Variants in UNKL observed in about 807,000 individuals in gnomAD.
UNKL encodes unk like zinc finger, also known as putative E3 ubiquitin-protein ligase UNKL.
Under a neutral mutation model 78.0 loss-of-function variants are expected in UNKL, and 60 were observed. The ratio of observed to expected loss-of-function variants is 0.77; its 90% CI spans 0.63 to 0.95. UNKL has a LOEUF of 0.95. Among genes scored for constraint, UNKL ranks in the 40% least tolerant of loss-of-function variants. The pLI, the probability that UNKL is intolerant of heterozygous loss-of-function variation, is 0.00. For synonymous variants in UNKL, 608 were observed against 474.8 expected (o/e 1.28, Z -3.65); for missense variants, 1,159 against 1,045.7 (o/e 1.11, Z -1.49).
In UNKL at chr16:1,399,598, C is replaced by A; in HGVS notation, c.599-89G>T. ...CAAAGGTGGAAGGACCTGGCTGTCCCCCAAATGGAAGGGGCTGCAGGAGGA... is the reference window on the plus strand; with the variant it reads ...CAAAGGTGGAAGGACCTGGCTGTCCACCAAATGGAAGGGGCTGCAGGAGGA... On this transcript the variant is annotated intron_variant, in intron 4 of 14. Coordinates refer to ENST00000389221, the MANE Select transcript of UNKL (RefSeq NM_001372107.1). This position sits in a 1 kb window ranked among gnomAD's most constrained non-coding sequence, Gnocchi z 5.8. 1 of 1,527,248 alleles carries A rather than the reference C, an allele frequency of 6.5e-7. No homozygotes were observed. The allele number at this position is 1,527,248 out of a possible 1,614,324, so 94.6% of individuals were successfully genotyped here.
At chr16:1,388,530 GAGC>G (rs1473866361) in intron 9 of UNKL, among the ~76,000 whole-genome samples, 1 of 152,144 alleles carries the variant, frequency 6.6e-6, no homozygotes, top group Non-Finnish European at 1.5e-5. Flanking sequence ...CCCTGCCCGG[GAGC>G]TGGCCAGGGT....
At chr16:1,371,085 A>G (rs76201503) in intron 11 of UNKL, among the ~76,000 whole-genome samples, 1 of 128,930 alleles carries the variant, frequency 7.8e-6, no homozygotes, top group Admixed American at 7.1e-5. Flanking sequence ...TCTGTCTCAA[A>G]AAAAAAAAAA....
chr16:1,379,297 T>A, intron 10 of UNKL: 2 of 176,798 alleles, frequency 1.1e-5, no homozygotes, highest in Non-Finnish European at 2.2e-5. Flanking sequence ...CCCGTTCCCC[T>A]GCCCTCTCCT....
chr16:1,367,737 C>G lies in UNKL; in HGVS notation c.1707G>C (p.Glu569Asp). ...CCAGCTGCCGCCTGACCCGGGCCAG[C>G]TCAGCTCCGTTTGGACTTGCACTCG... Reference protein sequence around the residue: ...SSSSASPNGAELARVRRQLDE... With the variant: ...SSSSASPNGADLARVRRQLDE... Residue 569 changes from glutamate (E) to aspartate (D), a missense_variant, in exon 13 of 15, where the codon GAG becomes GAC. By Grantham distance (45) the Glu-to-Asp change is conservative. Transcript: ENST00000389221. 6.3e-7 allele frequency: 1 copy of G among 1,577,918 alleles called. No homozygotes were observed. Among genetic ancestry groups the G allele is most frequent in the Non-Finnish European group, 8.6e-7 (1 of 1,162,640 alleles).
At chr16:1,367,603 G>A in intron 13 of UNKL, 53 bp downstream of exon 13, 2 of 938,758 alleles carry the variant, frequency 2.1e-6, no homozygotes, top group Admixed American at 5.2e-5. Flanking sequence ...GCTCACCTGA[G>A]TCCCCTGCGG....
chr16:1,398,679 G>GCCCGC, intron 5 of UNKL: 2 of 1,356,378 alleles, frequency 1.5e-6, no homozygotes, highest in Non-Finnish European at 1.9e-6. Flanking sequence ...TGTGGGGTCT[G>GCCCGC]CACCCCCCCA....
chr16:1,363,270 T>C lies in UNKL; in HGVS notation c.*2970A>G, dbSNP rs926889574. Reference sequence around the variant, plus strand: ...TAACTCCATGAATTCTGTAAACCATTGCATAAATGCTATAGTGTAAAAAAA... The same window carrying C: ...TAACTCCATGAATTCTGTAAACCATCGCATAAATGCTATAGTGTAAAAAAA... On this transcript the variant is annotated 3_prime_UTR_variant, in exon 15 of 15. Coordinates refer to ENST00000389221, the MANE Select transcript of UNKL (RefSeq NM_001372107.1). 3.1e-6 allele frequency: 2 copies of C among 651,378 alleles called. No homozygotes were observed. The highest frequency in any genetic ancestry group is 5.5e-6 in the Non-Finnish European group (2 of 364,390). 40.3% of individuals were successfully genotyped at this position (651,378 alleles called of 1,614,324 possible).
At chr16:1,414,287 G>A (rs1385987063) in intron 1 of UNKL, among the ~76,000 whole-genome samples, 1 of 151,848 alleles carries the variant, frequency 6.6e-6, no homozygotes, top group East Asian at 1.9e-4. Context: ...GCGCCACCCC[G>A]GACCCTGGGC....
At position 1,392,918 on chromosome 16, in the gene UNKL, G is replaced by A. The variant is rs2037107429; in HGVS notation, c.996C>T (p.Ser332=). The part of the protein sequence containing the change: ...GCHDLHLTSP[S]STGSGQPGNA... ...TTCCCGGCTGGCCGCTGCCCGTGGA[G>A]GAAGGACTCGTGAGGTGGAGGTCGT... Residue 332 remains serine (S), a synonymous_variant, in exon 8 of 15, where the codon TCC becomes TCT. Coordinates refer to ENST00000389221, the MANE Select transcript of UNKL (RefSeq NM_001372107.1). 1 of 1,550,596 alleles carries A rather than the reference G, an allele frequency of 6.4e-7. No individual in the cohort carries two copies. Among genetic ancestry groups the A allele is most frequent in the Non-Finnish European group, 8.7e-7 (1 of 1,146,994 alleles).
chr16:1,414,161 A>C (rs1438232315), intron 1 of UNKL, 106 bp from the exon 2 acceptor site: 1 of 1,128,800 alleles, frequency 8.9e-7, no homozygotes, highest in Non-Finnish European at 1.2e-6. Flanking sequence ...CCCAGGGTCG[A>C]CCCGTACTCA....
At chr16:1,376,649 G>C (rs1237671797) in intron 10 of UNKL, among the ~76,000 whole-genome samples, 1 of 152,058 alleles carries the variant, frequency 6.6e-6, no homozygotes, top group East Asian at 1.9e-4. Flanking sequence ...TTTTAACCTG[G>C]TTATGAGGAC....
intron 10 of UNKL, chr16:1,383,852 G>A: frequency 2.3e-6 from 1 of 426,610 alleles, no homozygotes; most frequent in Non-Finnish European, 4.8e-6. Context: ...CAGCAGCCCT[G>A]TCCTCCTGAT....
In UNKL at chr16:1,371,568, G is replaced by A. The variant is rs771576650; in HGVS notation, c.1308C>T (p.Ser436=). The change falls in exon 11 of 15, where the codon TCC becomes TCT. Residue 436 remains serine, a synonymous_variant. Coordinates refer to ENST00000389221, the MANE Select transcript of UNKL (RefSeq NM_001372107.1). The part of the protein sequence containing the change: ...DLHLSNVNIA[S]LEKDLEEQDG... ...CTTGCTCTTCCAGGTCCTTCTCTAGGGATGCAATATTCACATTGCTAAGAT... is the reference window on the plus strand; with the variant it reads ...CTTGCTCTTCCAGGTCCTTCTCTAGAGATGCAATATTCACATTGCTAAGAT... 40 of 1,536,078 alleles carry A rather than the reference G, an allele frequency of 2.6e-5. No individual in the cohort carries two copies. Among genetic ancestry groups the A allele is most frequent in the Non-Finnish European group, 3.1e-5 (36 of 1,146,920 alleles).
At chr16:1,391,539 T>C (rs2037053262) in intron 8 of UNKL, among the ~76,000 whole-genome samples, 2 of 152,098 alleles carry the variant, frequency 1.3e-5, no homozygotes, top group African/African-American at 2.4e-5. Flanking sequence ...CCTCGAGCGA[T>C]TGTCCCACCT....
intron 9 of UNKL, among the ~76,000 whole-genome samples, chr16:1,386,275 G>A (rs533934979): frequency 7.2e-5 from 11 of 152,242 alleles, no homozygotes; most frequent in African/African-American, 2.4e-4. Context: ...AGCCAAGGCC[G>A]GGCGCGGTGG....
intron 6 of UNKL, chr16:1,395,615 C>T (rs1209791887): frequency 1.4e-5 from 6 of 443,206 alleles, no homozygotes; most frequent in Non-Finnish European, 2.3e-5. Context: ...GCCCCAGGAA[C>T]CTCCTGCCTC....
chr16:1,368,920 T>A (rs1040445942), intron 12 of UNKL, among the ~76,000 whole-genome samples: 2 of 151,952 alleles, frequency 1.3e-5, no homozygotes, highest in Non-Finnish European at 2.9e-5. Context: ...AAATTTTGTA[T>A]TTTTTTGTAG....
intron 6 of UNKL, 28 bp downstream of exon 6, chr16:1,397,150 C>T: frequency 6.5e-7 from 1 of 1,544,488 alleles, no homozygotes; most frequent in Non-Finnish European, 8.7e-7. Context: ...CCAGCGACCC[C>T]TACGCCTGGG....
chr16:1,366,936 G>C (rs2035316098), intron 14 of UNKL, among the ~76,000 whole-genome samples, 156 bp downstream of exon 14: 1 of 111,154 alleles, frequency 9.0e-6, no homozygotes, highest in Non-Finnish European at 2.0e-5. Flanking sequence ...ACAGGGGGCT[G>C]TGCTGGGGTG....
Sources: allele counts gnomAD v4.1 joint callset (sites outside exome capture counted in the v4.1 genomes callset), GRCh38; gene constraint gnomAD v4.1.1; non-coding constraint Gnocchi (gnomAD v3.1); transcripts MANE v1.5; gene names NCBI Gene and HGNC (gene_info 2026-07-23, HGNC 2026-07-21).